Variants in GAS7 observed in about 807,000 individuals in gnomAD.
GAS7 encodes the protein growth arrest specific 7.
GAS7 carries 28 observed loss-of-function variants against 71.1 expected under a neutral mutation model. The ratio of observed to expected loss-of-function variants is 0.39; its 90% confidence interval spans 0.29 to 0.54. GAS7 has a LOEUF of 0.54. Ranked by LOEUF, GAS7 falls within the 20% of genes least tolerant of loss-of-function variation. The probability of loss-of-function intolerance (pLI) is 0.62; values close to 1 mark genes in which losing one functional copy is unlikely to be tolerated. For missense variants in GAS7, 436 were observed against 627.8 expected, an observed-to-expected ratio of 0.69 and a Z score of 3.27; for synonymous variants, 258 against 245.8, an observed-to-expected ratio of 1.05 and a Z score of -0.46.
chr17:9,984,271 C>T lies in GAS7; in HGVS notation c.305-2387G>A, dbSNP rs117140157. Among the ~76,000 whole-genome samples the T allele has an allele frequency of 7.7e-3, 1,176 of 152,192 alleles. 7 individuals carry two copies. The highest frequency in any genetic ancestry group is 0.012 in the Non-Finnish European group (816 of 68,012). On this transcript the variant is annotated intron_variant, in intron 2 of 13. Coordinates refer to ENST00000432992, the MANE Select transcript of GAS7 (RefSeq NM_201433.2). Reference sequence around the variant, plus strand: ...CTTCATCCAAAATAAAGAGGTTCGGCTACTTGGTCTCGTAGGCCCCAATAC... The same window carrying T: ...CTTCATCCAAAATAAAGAGGTTCGGTTACTTGGTCTCGTAGGCCCCAATAC...
intron 2 of GAS7, among the ~76,000 whole-genome samples, chr17:10,013,935 A>G (rs8070910): frequency 0.35 from 52,759 of 152,002 alleles, 11,595 homozygotes; most frequent in African/African-American, 0.63. Context: ...CTGATGAAAC[A>G]CAAATCCTGG....
Position 10,063,206 on chromosome 17 carries a change from G to A in GAS7, c.184-43309C>T, listed in dbSNP as rs190951103. Among the ~76,000 whole-genome samples the A allele has an allele frequency of 8.4e-4, 128 of 152,366 alleles. No homozygotes were observed. In the East Asian group the frequency reaches 0.021, roughly 25 times the overall value. On this transcript the variant is annotated intron_variant, in intron 1 of 13. Transcript: ENST00000432992. ...CTTCTTTGTCATTCTTGCAAAAGGA[G>A]TTCCTGCTCCTGCCTACCTCCATCA...
At chr17:10,025,362 G>A (rs2072426586) in intron 1 of GAS7, among the ~76,000 whole-genome samples, 1 of 151,824 alleles carries the variant, frequency 6.6e-6, no homozygotes. Flanking sequence ...TCCTCACTGA[G>A]ACCACCTGAC....
At chr17:9,982,974 A>C (rs771080753) in intron 2 of GAS7, among the ~76,000 whole-genome samples, 17 of 152,214 alleles carry the variant, frequency 1.1e-4, no homozygotes, top group Non-Finnish European at 2.1e-4. Context: ...CTTCTTATGA[A>C]GTTATCTAGT....
chr17:10,101,892 G>A (rs537069275), intron 1 of GAS7, among the ~76,000 whole-genome samples: 2 of 152,266 alleles, frequency 1.3e-5, no homozygotes, highest in South Asian at 2.1e-4. Flanking sequence ...TGGCCAGGCT[G>A]CCTGGTACAT....
chr17:10,036,730 T>G, intron 1 of GAS7: 1 of 1,251,584 alleles, frequency 8.0e-7, no homozygotes, highest in Non-Finnish European at 1.0e-6. Flanking sequence ...TTCTGGACTT[T>G]CCAGATGCAA....
intron 1 of GAS7, among the ~76,000 whole-genome samples, chr17:10,155,078 G>A (rs919944236): frequency 1.3e-5 from 2 of 151,176 alleles, no homozygotes; most frequent in African/African-American, 2.4e-5. Context: ...GCAGTGGCAC[G>A]ATCTCGGCTC....
chr17:10,117,068 C>T (rs1457690549), intron 1 of GAS7, among the ~76,000 whole-genome samples: 1 of 152,152 alleles, frequency 6.6e-6, no homozygotes, highest in Admixed American at 6.5e-5. Flanking sequence ...AAGTCTGAAA[C>T]AGGTTTCACA....
intron 1 of GAS7, among the ~76,000 whole-genome samples, chr17:10,051,075 C>T (rs2073055490): frequency 6.6e-6 from 1 of 152,228 alleles, no homozygotes; most frequent in South Asian, 2.1e-4. Context: ...TCCACAGCTT[C>T]TCAGCCATAT....
At position 9,915,702 on chromosome 17, in the gene GAS7, G is replaced by A. The variant is rs948827305; in HGVS notation, c.*1526C>T. On this transcript the variant is annotated 3_prime_UTR_variant, in exon 14 of 14. Transcript: ENST00000432992. ...CAGTGAGTTGTGCTTGTTGAATTCT[G>A]CCCTCACTGCAGATGTGCAGGTCAA... The A allele has an allele frequency of 4.3e-6, 1 of 230,028 alleles. No individual in the cohort carries two copies. Among genetic ancestry groups the A allele is most frequent in the Non-Finnish European group, 8.6e-6 (1 of 116,084 alleles). The allele number at this position is 230,028 out of a possible 1,614,324, so 14.2% of individuals were successfully genotyped here. A position where few individuals can be genotyped will look rare whatever the true frequency, so the allele number is the denominator to read the frequency against.
chr17:10,178,393 G>A (rs912772700), intron 1 of GAS7, among the ~76,000 whole-genome samples: 2 of 152,040 alleles, frequency 1.3e-5, no homozygotes, highest in African/African-American at 4.8e-5. Context: ...CCACATAGAG[G>A]ACTCTGCATA....
intron 8 of GAS7, 108 bp from the exon 9 acceptor site, chr17:9,934,352 G>A: frequency 1.4e-6 from 1 of 740,544 alleles, no homozygotes; most frequent in East Asian, 2.7e-5. Flanking sequence ...AGCTGAGAAT[G>A]TGGACGCGGA....
intron 7 of GAS7, among the ~76,000 whole-genome samples, chr17:9,942,150 AG>A (rs1383558565): frequency 6.6e-6 from 1 of 152,068 alleles, no homozygotes; most frequent in Non-Finnish European, 1.5e-5. Context: ...GCTACTCCAG[AG>A]GCTGAGACAG....
rs535927599 is a variant in GAS7, at chr17:9,959,582, G to C, written c.472-327C>G. ...GCTGCCCTCTGCTGGTGAACGTTCC[G>C]CGTGCCGCTTGCTGCCTGAAGCCGC... On this transcript the variant is annotated intron_variant, in intron 4 of 13. Transcript: ENST00000432992. The surrounding 1 kb of genome is among the most constrained non-coding windows in gnomAD (Gnocchi z 5.0). 2 of 664,266 alleles carry C rather than the reference G, an allele frequency of 3.0e-6. No individual in the cohort carries two copies. Among genetic ancestry groups the C allele is most frequent in the East Asian group, 3.6e-5 (1 of 27,742 alleles). The allele number at this position is 664,266 out of a possible 1,614,324, so 41.1% of individuals were successfully genotyped here.
chr17:10,058,211 C>A (rs1336005404), intron 1 of GAS7, among the ~76,000 whole-genome samples: 2 of 152,128 alleles, frequency 1.3e-5, no homozygotes, highest in African/African-American at 4.8e-5. Context: ...CCTGCCAAAT[C>A]TCCCAATGCG....
At chr17:9,979,779 A>T (rs3786090) in intron 3 of GAS7, among the ~76,000 whole-genome samples, 58,334 of 151,524 alleles carry the variant, frequency 0.38, 13,168 homozygotes, top group African/African-American at 0.64. Context: ...CAGCTGGGTT[A>T]CCTTTTTAGT....
chr17:10,057,349 G>A (rs887614584), intron 1 of GAS7, among the ~76,000 whole-genome samples: 1 of 151,990 alleles, frequency 6.6e-6, no homozygotes. Flanking sequence ...AGGAAGTGAG[G>A]AGCCTCTCTG....
chr17:10,074,173 G>A (rs1394835027), intron 1 of GAS7, among the ~76,000 whole-genome samples: 3 of 152,170 alleles, frequency 2.0e-5, no homozygotes, highest in African/African-American at 7.2e-5. Context: ...CCTGGGAGGG[G>A]GGTGCTGCCC....
At chr17:9,940,347 T>A (rs1174273805) in intron 7 of GAS7, 147 bp from the exon 8 acceptor site, 1 of 690,710 alleles carries the variant, frequency 1.4e-6, no homozygotes, top group Non-Finnish European at 2.7e-6. Flanking sequence ...CTACCTGACA[T>A]GCAGTAGGTG....
Sources: gnomAD v4.1 joint callset for allele counts (sites outside exome capture counted in the v4.1 genomes callset) on GRCh38, gnomAD v4.1.1 for gene constraint, Gnocchi (gnomAD v3.1) non-coding constraint, MANE v1.5 for transcripts, NCBI Gene and HGNC (gene_info 2026-07-23, HGNC 2026-07-21) for gene names.